Variants in PRORP observed in about 807,000 individuals in gnomAD.
The protein encoded by PRORP is protein only RNase P catalytic subunit.
PRORP carries 51 observed loss-of-function variants against 59.4 expected under a neutral mutation model. The observed-to-expected ratio is 0.86, with a 90% CI of 0.69 to 1.08. PRORP has a LOEUF of 1.08. Ranked by LOEUF, PRORP falls within the 50% of genes least tolerant of loss-of-function variation. The pLI is 0.00. For synonymous variants in PRORP, 231 were observed against 245.6 expected, an observed-to-expected ratio of 0.94 and a Z score of 0.55; for missense variants, 646 against 690.3, an observed-to-expected ratio of 0.94 and a Z score of 0.72.
intron 5 of PRORP, among the ~76,000 whole-genome samples, chr14:35,263,525 A>G (rs1399629257): frequency 7.3e-6 from 1 of 136,250 alleles, no homozygotes; most frequent in African/African-American, 2.5e-5. Context: ...CGTCTCTACT[A>G]AAAATACAAA....
chr14:35,250,123 C>T (rs961233799), intron 5 of PRORP, among the ~76,000 whole-genome samples: 1 of 151,968 alleles, frequency 6.6e-6, no homozygotes, highest in Non-Finnish European at 1.5e-5. Context: ...TGGCGCATGC[C>T]TGTGGTCCCA....
intron 5 of PRORP, among the ~76,000 whole-genome samples, chr14:35,196,224 C>T (rs2049004314): frequency 6.6e-6 from 1 of 152,164 alleles, no homozygotes; most frequent in South Asian, 2.1e-4. Context: ...CCTGTAATCC[C>T]AACACTTTGG....
rs1412210496 is a variant in PRORP at position 35,240,625 on chromosome 14, A to G, written c.1276-26102A>G. Among the ~76,000 whole-genome samples, 4 of 152,170 alleles carry G rather than the reference A, an allele frequency of 2.6e-5. No homozygotes were observed. The East Asian group carries it at 5.8e-4, about 22-fold the overall frequency. On this transcript the variant is annotated intron_variant, in intron 5 of 7. Coordinates refer to ENST00000534898, the MANE Select transcript of PRORP (RefSeq NM_014672.4). Reference sequence around the variant, plus strand: ...TTATTCTACAACATATCAGAAGTTCATAGCAGTTTTCTGGCTATTAGATTG... The same window carrying G: ...TTATTCTACAACATATCAGAAGTTCGTAGCAGTTTTCTGGCTATTAGATTG...
At chr14:35,237,751 C>T (rs138875768) in intron 5 of PRORP, among the ~76,000 whole-genome samples, 5,803 of 152,218 alleles carry the variant, frequency 0.038, 269 homozygotes, top group African/African-American at 0.1. Flanking sequence ...CTCTGCCTCC[C>T]GGGTACAAGA....
chr14:35,126,146 G>C (rs2047091917), intron 2 of PRORP, among the ~76,000 whole-genome samples: 1 of 152,164 alleles, frequency 6.6e-6, no homozygotes, highest in Non-Finnish European at 1.5e-5. Flanking sequence ...AGGTTTAGGT[G>C]AGAGATGATG....
At chr14:35,178,869 T>C (rs1595250253) in intron 4 of PRORP, among the ~76,000 whole-genome samples, 1 of 152,220 alleles carries the variant, frequency 6.6e-6, no homozygotes, top group East Asian at 1.9e-4. Context: ...GTTTTTGCAG[T>C]GGCTGGTACC....
chr14:35,152,383 C>A (rs1352015989), intron 4 of PRORP, among the ~76,000 whole-genome samples: 1 of 152,348 alleles, frequency 6.6e-6, no homozygotes, highest in East Asian at 1.9e-4. Context: ...CCCCACCTTT[C>A]CCCCTTTTCT....
intron 4 of PRORP, among the ~76,000 whole-genome samples, chr14:35,135,254 G>C (rs1230582716): frequency 1.3e-5 from 2 of 152,194 alleles, no homozygotes; most frequent in Admixed American, 1.3e-4. Flanking sequence ...GGTACTGTGA[G>C]TCCTCACCTG....
chr14:35,141,020 G>T (rs2047469180), intron 4 of PRORP, among the ~76,000 whole-genome samples: 1 of 145,604 alleles, frequency 6.9e-6, no homozygotes, highest in Admixed American at 7.1e-5. Flanking sequence ...TGTCATTTCT[G>T]TGTAAGTCAG....
chr14:35,127,454 T>A lies in PRORP; in HGVS notation c.1035-25T>A, dbSNP rs759352185. 3 of 1,480,362 alleles carry A rather than the reference T, an allele frequency of 2.0e-6. No homozygotes were observed. The South Asian group carries it at 4.2e-5, about 21-fold the overall frequency. 91.7% of individuals were successfully genotyped at this position (1,480,362 alleles called of 1,614,324 possible). A position where few individuals can be genotyped will look rare whatever the true frequency, so the allele number is the denominator to read the frequency against. On this transcript the variant is annotated intron_variant, in intron 3 of 7. Transcript: ENST00000534898. The stretch of plus-strand genomic sequence containing the variant: ...AACATTATTCGACATATTTAAATAT[T>A]ATTATTTAACAATTATAATTACAGT...
intron 5 of PRORP, among the ~76,000 whole-genome samples, chr14:35,249,476 C>A (rs1405474971): frequency 6.6e-6 from 1 of 152,126 alleles, no homozygotes; most frequent in African/African-American, 2.4e-5. Context: ...GCAGTCCCAC[C>A]TACTCAGAAG....
intron 5 of PRORP, chr14:35,219,285 G>C (rs2049707357): frequency 6.6e-6 from 1 of 152,230 alleles, no homozygotes; most frequent in Non-Finnish European, 1.5e-5. Context: ...CAGGAACATG[G>C]TGCATGTGGC....
intron 5 of PRORP, among the ~76,000 whole-genome samples, chr14:35,252,410 A>T (rs1464994169): frequency 6.6e-6 from 1 of 152,232 alleles, no homozygotes; most frequent in Non-Finnish European, 1.5e-5. Context: ...TGGATGGCAG[A>T]GTGAAACCCT....
chr14:35,176,022 G>C lies in PRORP; in HGVS notation c.1168-4648G>C, dbSNP rs976636006. ...AATCCTTTCCCCATTGCTTGTTTTT[G>C]TCAGGTTTGTCAAAGATCAGATAGT... On this transcript the variant is annotated intron_variant, in intron 4 of 7. Coordinates refer to ENST00000534898, the MANE Select transcript of PRORP (RefSeq NM_014672.4). 1.2e-4 allele frequency among the ~76,000 whole-genome samples: 18 copies of C among 152,106 alleles called. No individual in the cohort carries two copies. In the East Asian group the frequency reaches 3.1e-3, roughly 26 times the overall value.
intron 4 of PRORP, among the ~76,000 whole-genome samples, chr14:35,164,042 CTTG>C (rs1474025403): frequency 6.6e-6 from 1 of 152,156 alleles, no homozygotes; most frequent in Non-Finnish European, 1.5e-5. Context: ...TTCCCCATTG[CTTG>C]TTTTTGTTGG....
intron 5 of PRORP, among the ~76,000 whole-genome samples, chr14:35,259,752 A>G (rs1391019863): frequency 6.6e-6 from 1 of 152,128 alleles, no homozygotes; most frequent in Non-Finnish European, 1.5e-5. Context: ...AAAATTAGCC[A>G]GGCATGGTGC....
intron 4 of PRORP, among the ~76,000 whole-genome samples, chr14:35,134,959 C>G (rs778704032): frequency 3.0e-4 from 45 of 152,292 alleles, no homozygotes; most frequent in Middle Eastern, 6.8e-3. Context: ...CCAGTTTCAA[C>G]CACTGGGATG....
intron 5 of PRORP, chr14:35,262,938 A>G (rs2050942229): frequency 6.3e-7 from 1 of 1,595,188 alleles, no homozygotes; most frequent in African/African-American, 1.3e-5. Flanking sequence ...AGAGGCTTTG[A>G]TTCAGCAAGC....
At chr14:35,223,058 A>G (rs1015702421) in intron 5 of PRORP, among the ~76,000 whole-genome samples, 4 of 152,148 alleles carry the variant, frequency 2.6e-5, no homozygotes, top group African/African-American at 9.7e-5. Flanking sequence ...CTATTACAAC[A>G]CCGAAGCTAA....
Sources: allele counts gnomAD v4.1 joint callset (sites outside exome capture counted in the v4.1 genomes callset), GRCh38; gene constraint gnomAD v4.1.1; transcripts MANE v1.5; gene names NCBI Gene and HGNC (gene_info 2026-07-23, HGNC 2026-07-21).